Variants in RAPGEF6 observed in about 807,000 individuals in gnomAD.
RAPGEF6 encodes the protein PDZ domain containing guanine nucleotide exchange factor (GEF) 2.
Under a neutral mutation model 171.4 loss-of-function variants are expected in RAPGEF6, and 56 were observed. That is an observed-to-expected ratio of 0.33 (90% CI 0.26 to 0.41). The LOEUF is 0.41. RAPGEF6 is among the 10% of genes least tolerant of loss of function. The pLI, the probability that RAPGEF6 is intolerant of heterozygous loss-of-function variation, is 1.00. For synonymous variants in RAPGEF6, 692 were observed against 650.1 expected (o/e 1.06, Z -0.98); for missense variants, 1,674 against 1,921.4 (o/e 0.87, Z 2.41).
At chr5:131,604,720 T>C (rs780020891) in intron 1 of RAPGEF6, 27 bp from the exon 2 acceptor site, 1 of 1,582,986 alleles carries the variant, frequency 6.3e-7, no homozygotes, top group African/African-American at 1.4e-5. Context: ...AAAAATTAGA[T>C]TATTTTTCAA....
rs1314591213 is a variant in RAPGEF6, at chr5:131,425,832, G to T, written c.*1434C>A. 3 of 140,410 alleles carry T rather than the reference G, an allele frequency of 2.1e-5. No homozygotes were observed. Among genetic ancestry groups the T allele is most frequent in the Admixed American group, 7.1e-5 (1 of 14,064 alleles). 8.7% of individuals were successfully genotyped at this position (140,410 alleles called of 1,614,324 possible). A position where few individuals can be genotyped will look rare whatever the true frequency, so the allele number is the denominator to read the frequency against. On this transcript the variant is annotated 3_prime_UTR_variant, in exon 28 of 28. Transcript: ENST00000509018. ...GACACATACGGACAGCCATTCAGAA[G>T]TAAACCCCTTTTGGCTCCAAGTTGA...
chr5:131,520,741 T>C (rs951155692), intron 7 of RAPGEF6, among the ~76,000 whole-genome samples: 1 of 152,198 alleles, frequency 6.6e-6, no homozygotes, highest in Non-Finnish European at 1.5e-5. Flanking sequence ...GAAGTTCCAC[T>C]ATCTGGATCC....
chr5:131,426,712 C>CATCA lies in RAPGEF6; in HGVS notation c.*553_*554insTGAT. 7.1e-6 allele frequency: 1 copy of CATCA among 139,974 alleles called. No individual in the cohort carries two copies. The highest frequency in any genetic ancestry group is 3.7e-3 in the Middle Eastern group (1 of 268). The allele number at this position is 139,974 out of a possible 1,614,324, so 8.7% of individuals were successfully genotyped here. A position where few individuals can be genotyped will look rare whatever the true frequency, so the allele number is the denominator to read the frequency against. On this transcript the variant is annotated 3_prime_UTR_variant, in exon 28 of 28. Transcript: ENST00000509018. ...TCTGTGTAGATCAAGCATATCACCT[C>CATCA]TGTAAAGATGACTTCTGTTTGGTCA... is the stretch of plus-strand genomic sequence containing the variant.
rs1020893971 is a variant in RAPGEF6, at chr5:131,604,628, C to T, written c.135G>A (p.Gln45=). 3 of 1,612,030 alleles carry T rather than the reference C, an allele frequency of 1.9e-6. No homozygotes were observed. Among genetic ancestry groups the T allele is most frequent in the Admixed American group, 3.4e-5 (2 of 59,676 alleles). The change falls in exon 2 of 28, where the codon CAG becomes CAA. Residue 45 remains glutamine, a synonymous_variant. Transcript: ENST00000509018. ...MEILSNLREH[Q]LRLMSARARY... ...AAATACAGAACGACACTTACCTAAG[C>T]TGATGTTCCCTGAGATTTGATAATA...
At chr5:131,508,613 C>T (rs1757518315) in intron 8 of RAPGEF6, among the ~76,000 whole-genome samples, 1 of 151,984 alleles carries the variant, frequency 6.6e-6, no homozygotes, top group Non-Finnish European at 1.5e-5. Flanking sequence ...TAATAAAATC[C>T]AAAAAGTAAT....
intron 24 of RAPGEF6, among the ~76,000 whole-genome samples, chr5:131,437,179 G>A (rs1752063488): frequency 1.3e-5 from 2 of 152,224 alleles, no homozygotes; most frequent in East Asian, 1.9e-4. Flanking sequence ...GTTTTGAAGA[G>A]AAGAATTTCT....
rs113585848 is a variant in RAPGEF6 at position 131,474,440 on chromosome 5, T to C, written c.2082-1696A>G. Among the ~76,000 whole-genome samples the C allele has an allele frequency of 3.6e-3, 550 of 152,250 alleles. 3 individuals carry two copies. The highest frequency in any genetic ancestry group is 6.1e-3 in the Non-Finnish European group (412 of 68,022). On this transcript the variant is annotated intron_variant, in intron 16 of 27. Transcript: ENST00000509018. ...GCCTGGGTGACAGAGCAAGACTCCG[T>C]ATCAAAACAATAAATAAATAAAAAT...
intron 24 of RAPGEF6, among the ~76,000 whole-genome samples, chr5:131,438,925 TTTC>T: frequency 6.6e-6 from 1 of 152,284 alleles, no homozygotes; most frequent in Middle Eastern, 3.4e-3. Flanking sequence ...TTAAAAACAG[TTTC>T]TTTCTTTTTT....
chr5:131,457,444 G>A (rs914440457), intron 19 of RAPGEF6, among the ~76,000 whole-genome samples: 3 of 152,200 alleles, frequency 2.0e-5, no homozygotes, highest in African/African-American at 7.2e-5. Context: ...AGAGAAGGGA[G>A]ACACTCTGAG....
At chr5:131,567,192 T>A (rs1321917579) in intron 4 of RAPGEF6, among the ~76,000 whole-genome samples, 3 of 152,200 alleles carry the variant, frequency 2.0e-5, no homozygotes, top group African/African-American at 7.2e-5. Flanking sequence ...TATCTTTTTT[T>A]TCATGGTCAG....
intron 4 of RAPGEF6, among the ~76,000 whole-genome samples, chr5:131,580,576 A>C (rs1762897088): frequency 6.6e-6 from 1 of 152,168 alleles, no homozygotes; most frequent in African/African-American, 2.4e-5. Context: ...GCACGTTGTC[A>C]CCTCTCACGG....
chr5:131,512,374 CTT>C (rs148603194), intron 7 of RAPGEF6, among the ~76,000 whole-genome samples: 4 of 143,780 alleles, frequency 2.8e-5, no homozygotes, highest in Admixed American at 6.9e-5. Context: ...TTTTTTTCTT[CTT>C]TTTTTTTTTT....
In RAPGEF6 at chr5:131,427,071, A is replaced by C; in HGVS notation, c.*195T>G. 9.4e-6 allele frequency: 6 copies of C among 635,372 alleles called. No individual in the cohort carries two copies. Among genetic ancestry groups the C allele is most frequent in the Non-Finnish European group, 5.5e-6 (2 of 360,438 alleles). 39.4% of individuals were successfully genotyped at this position (635,372 alleles called of 1,614,324 possible). On this transcript the variant is annotated 3_prime_UTR_variant, in exon 28 of 28. Transcript: ENST00000509018. ...CCAGGCATAGCATCCATTGCTCAGG[A>C]AACTATTTATCTGCAGAAATTAAAT...
intron 6 of RAPGEF6, among the ~76,000 whole-genome samples, chr5:131,545,138 T>TA (rs568611619): frequency 5.3e-4 from 81 of 152,176 alleles, no homozygotes; most frequent in Admixed American, 1.0e-3. Flanking sequence ...TATTCTACAT[T>TA]AAAAAAAGTC....
chr5:131,530,319 G>A (rs182936083), intron 6 of RAPGEF6, among the ~76,000 whole-genome samples: 11 of 152,032 alleles, frequency 7.2e-5, no homozygotes, highest in Admixed American at 2.6e-4. Context: ...ATTTTATATT[G>A]AACTAAACAA....
rs558397157 is a variant in RAPGEF6, at chr5:131,507,015, G to A, written c.942+1056C>T. Reference sequence around the variant, plus strand: ...AATATGTAAACAGAGCCTAGAGACAGGGATCCTCAAAGATATTCTATCAAA... The same window carrying A: ...AATATGTAAACAGAGCCTAGAGACAAGGATCCTCAAAGATATTCTATCAAA... On this transcript the variant is annotated intron_variant, in intron 9 of 27. Coordinates refer to ENST00000509018, the MANE Select transcript of RAPGEF6 (RefSeq NM_016340.6). 7.7e-4 allele frequency among the ~76,000 whole-genome samples: 117 copies of A among 151,330 alleles called. 1 individual carries two copies. Among genetic ancestry groups the A allele is most frequent in the Admixed American group, 1.5e-3 (23 of 15,150 alleles).
At chr5:131,558,429 A>G (rs1487463384) in intron 5 of RAPGEF6, among the ~76,000 whole-genome samples, 3 of 152,062 alleles carry the variant, frequency 2.0e-5, no homozygotes, top group Non-Finnish European at 4.4e-5. Flanking sequence ...TCTGAGACTC[A>G]ACCTTGTCCT....
chr5:131,479,790 C>T (rs1205468395), intron 15 of RAPGEF6, 37 bp from the exon 16 acceptor site: 10 of 1,587,786 alleles, frequency 6.3e-6, no homozygotes, highest in African/African-American at 1.4e-5. Context: ...TTTATTTCTT[C>T]TCTTCAGAAA....
intron 3 of RAPGEF6, among the ~76,000 whole-genome samples, chr5:131,595,281 T>C (rs1763830028): frequency 2.1e-5 from 1 of 48,398 alleles, no homozygotes; most frequent in South Asian, 1.1e-3. Context: ...TCGCATTCTC[T>C]CTCTGTCTCC....
Sources: allele counts gnomAD v4.1 joint callset (sites outside exome capture counted in the v4.1 genomes callset), GRCh38; gene constraint gnomAD v4.1.1; transcripts MANE v1.5; gene names NCBI Gene and HGNC (gene_info 2026-07-23, HGNC 2026-07-21).